Variants in MYBPC3 observed in about 807,000 individuals in gnomAD.
MYBPC3 encodes the protein myosin-binding protein C, cardiac-type.
Under a neutral mutation model 159.3 loss-of-function variants are expected in MYBPC3, and 108 were observed. That is an observed-to-expected ratio of 0.68 (90% CI 0.58 to 0.80). MYBPC3 has a LOEUF of 0.80. Among genes scored for constraint, MYBPC3 ranks in the 30% least tolerant of loss-of-function variants. The probability of loss-of-function intolerance (pLI) is 0.00; values close to 1 mark genes in which losing one functional copy is unlikely to be tolerated. For missense variants in MYBPC3, 1,631 were observed against 1,762.1 expected (o/e 0.93, Z 1.33); for synonymous variants, 730 against 702.0 (o/e 1.04, Z -0.63).
Position 47,332,694 on chromosome 11 carries a change from A to G in MYBPC3, c.3499T>C (p.Tyr1167His). 1 of 1,609,498 alleles carries G rather than the reference A, an allele frequency of 6.2e-7. No individual in the cohort carries two copies. The highest frequency in any genetic ancestry group is 1.7e-5 in the Admixed American group (1 of 59,158). Reference sequence around the variant, plus strand: ...AGGGCCTTATAGTTGGGTGGCTCATAGGTGATGCCTGTTGGTGACAGGACT... The same window carrying G: ...AGGGCCTTATAGTTGGGTGGCTCATGGGTGATGCCTGTTGGTGACAGGACT... ...PVFIPRPGIT[Y>H]EPPNYKALDF... The change falls in exon 32 of 35, where the codon TAT becomes CAT. Residue 1167 changes from tyrosine (Y) to histidine (H), a missense_variant. Coordinates refer to ENST00000545968, the MANE Select transcript of MYBPC3 (RefSeq NM_000256.3). This position sits in a 1 kb window ranked among gnomAD's most constrained non-coding sequence, Gnocchi z 4.2.
chr11:47,341,088 G>C, intron 19 of MYBPC3, 50 bp downstream of exon 19: 2 of 1,566,312 alleles, frequency 1.3e-6, no homozygotes, highest in Non-Finnish European at 1.7e-6. Flanking sequence ...CCAGTGACAG[G>C]GGCTCCTGGC....
In MYBPC3 at chr11:47,332,950, A is replaced by C; in HGVS notation, c.3354T>G (p.His1118Gln). Residue 1118 changes from histidine (H) to glutamine (Q), a missense_variant, in exon 31 of 35, where the codon CAT (histidine) becomes CAG (glutamine). Physicochemically the swap from His to Gln is conservative, Grantham distance 24. Coordinates refer to ENST00000545968, the MANE Select transcript of MYBPC3 (RefSeq NM_000256.3). This position sits in a 1 kb window ranked among gnomAD's most constrained non-coding sequence, Gnocchi z 4.2. The stretch of plus-strand genomic sequence containing the variant: ...GCACCACGCAGTGGGTGCGGCGGTA[A>C]TGCTCCAAGACGGTGAACCACTCCT... ...KTMEWFTVLEHYRRTHCVVPE... is the reference protein window; with the variant it reads ...KTMEWFTVLEQYRRTHCVVPE... The C allele has an allele frequency of 6.2e-7, 1 of 1,610,780 alleles. No individual in the cohort carries two copies. The highest frequency in any genetic ancestry group is 8.5e-7 in the Non-Finnish European group (1 of 1,178,740).
chr11:47,332,194 CTG>C lies in MYBPC3; in HGVS notation c.3690_3691del (p.Phe1230LeufsTer11), dbSNP rs727504390. On this transcript the variant is annotated frameshift_variant, in exon 33 of 35. Coordinates refer to ENST00000545968, the MANE Select transcript of MYBPC3 (RefSeq NM_000256.3). LOFTEE classifies it high-confidence loss of function. The surrounding 1 kb of genome is among the most constrained non-coding windows in gnomAD (Gnocchi z 4.2). The stretch of plus-strand genomic sequence containing the variant: ...CTCCAGAGTCAACACTCCCTGCTTG[CTG>C]AACATGCGGAAGCGGGCGTCTTCTC... 6.2e-7 allele frequency: 1 copy of C among 1,613,876 alleles called. No individual in the cohort carries two copies. Among genetic ancestry groups the C allele is most frequent in the Non-Finnish European group, 8.5e-7 (1 of 1,179,886 alleles).
Position 47,346,744 on chromosome 11 carries a change from C to T in MYBPC3, c.909-100G>A, listed in dbSNP as rs2095894559. On this transcript the variant is annotated intron_variant, in intron 10 of 34. Transcript: ENST00000545968. The surrounding 1 kb of genome is among the most constrained non-coding windows in gnomAD (Gnocchi z 5.3). ...GACCCCACCCATGGGCCTTTACTTC[C>T]TCCCTATTTTCCGCACTTGCACTCC... The T allele has an allele frequency of 1.5e-6, 2 of 1,319,778 alleles. No homozygotes were observed. Among genetic ancestry groups the T allele is most frequent in the East Asian group, 5.0e-5 (2 of 39,612 alleles). 81.8% of individuals were successfully genotyped at this position (1,319,778 alleles called of 1,614,324 possible). A position where few individuals can be genotyped will look rare whatever the true frequency, so the allele number is the denominator to read the frequency against.
At position 47,339,705 on chromosome 11, in the gene MYBPC3, G is replaced by A. The variant is rs1168755518; in HGVS notation, c.2013C>T (p.Val671=). Residue 671 remains valine (V), a synonymous_variant, in exon 21 of 35, where the codon GTC becomes GTT. Coordinates refer to ENST00000545968, the MANE Select transcript of MYBPC3 (RefSeq NM_000256.3). ...TGGGAGCAGGGTCCCCAGAGATAGG[G>A]ACGTCCAGACGTAGCTTATTTCCAG... ...VVAGNKLRLD[V]PISGDPAPTV... 4.3e-6 allele frequency: 7 copies of A among 1,613,602 alleles called. No homozygotes were observed. The South Asian group carries it at 7.7e-5, about 18-fold the overall frequency.
At chr11:47,345,466 G>C (rs1270014857) in intron 12 of MYBPC3, among the ~76,000 whole-genome samples, 1 of 152,128 alleles carries the variant, frequency 6.6e-6, no homozygotes, top group Non-Finnish European at 1.5e-5. Context: ...TGTGTGCTTT[G>C]GGAGGGGCTT....
In MYBPC3 at chr11:47,335,163, C is replaced by G. The variant is rs372510974; in HGVS notation, c.2784G>C (p.Ser928=). 1.7e-5 allele frequency: 28 copies of G among 1,612,704 alleles called. No homozygotes were observed. The Admixed American group carries it at 3.0e-4, about 17-fold the overall frequency. ...CCGTGGGCAGGTCCTTCACCAGTATCGATGTGTGCTCTGTCAGCCCCTGCA... is the reference window on the plus strand; with the variant it reads ...CCGTGGGCAGGTCCTTCACCAGTATGGATGTGTGCTCTGTCAGCCCCTGCA... ...AALQGLTEHT[S]ILVKDLPTGA... The change falls in exon 27 of 35, where the codon TCG becomes TCC. Residue 928 remains serine, a synonymous_variant. Transcript: ENST00000545968.
At chr11:47,347,216 G>A (rs2142865067) in intron 9 of MYBPC3, 187 bp from the exon 10 acceptor site, 1 of 985,358 alleles carries the variant, frequency 1.0e-6, no homozygotes, top group Non-Finnish European at 1.2e-6. Context: ...AGTGGCCGTG[G>A]GGGACACTGT....
chr11:47,337,363 G>A lies in MYBPC3; in HGVS notation c.2602+28C>T, dbSNP rs772454622. ...AGGTTTTTAACTGGGGAGGGGGCGG[G>A]GGGCAGGACCAGGCCAGGCAGGCTC... On this transcript the variant is annotated intron_variant, in intron 25 of 34. Coordinates refer to ENST00000545968, the MANE Select transcript of MYBPC3 (RefSeq NM_000256.3). 8.4e-6 allele frequency: 13 copies of A among 1,542,828 alleles called. No homozygotes were observed. In the South Asian group the frequency reaches 1.3e-4, roughly 16 times the overall value.
At position 47,333,746 on chromosome 11, in the gene MYBPC3, G is replaced by T. The variant is rs2095879726; in HGVS notation, c.3001C>A (p.Pro1001Thr). 5.0e-6 allele frequency: 8 copies of T among 1,597,444 alleles called. No individual in the cohort carries two copies. The East Asian group carries it at 1.8e-4, about 36-fold the overall frequency. Residue 1001 changes from proline to threonine, a missense_variant, in exon 29 of 35, where the codon CCC (proline) becomes ACC (threonine). By Grantham distance (38) the Pro-to-Thr change is conservative. Coordinates refer to ENST00000545968, the MANE Select transcript of MYBPC3 (RefSeq NM_000256.3). ...TTGGTCCAGGTCACCTGAGGCCGGG[G>T]CTTGCCCTGAGGGGAGGAAAAGCTT... is the stretch of plus-strand genomic sequence containing the variant. ...VNLLIPFQGK[P>T]RPQVTWTKEG...
Position 47,341,142 on chromosome 11 carries a change from G to A in MYBPC3, c.1893C>T (p.Phe631=), listed in dbSNP as rs2095888027. 1 of 1,592,604 alleles carries A rather than the reference G, an allele frequency of 6.3e-7. No individual in the cohort carries two copies. The highest frequency in any genetic ancestry group is 1.3e-5 in the African/African-American group (1 of 74,480). The part of the protein sequence containing the change: ...FACNLSAKLH[F]MEVKIDFVPR... ...CCTACCCTGGAGCAGGCTCACCCAT[G>A]AAGTGGAGCTTGGCTGACAGGTTGC... is the stretch of plus-strand genomic sequence containing the variant. Residue 631 remains phenylalanine (F), a synonymous_variant, in exon 19 of 35, where the codon TTC becomes TTT. Transcript: ENST00000545968.
Position 47,338,542 on chromosome 11 carries a change from G to C in MYBPC3, c.2286C>G (p.Val762=), listed in dbSNP as rs2142856547. The change falls in exon 23 of 35, where the codon GTC becomes GTG. Residue 762 remains valine, a synonymous_variant. Transcript: ENST00000545968. This position sits in a 1 kb window ranked among gnomAD's most constrained non-coding sequence, Gnocchi z 4.7. ...CACCGATGACCTTGACTGTGAGGTT[G>C]ACCTGGTCCTCGCCCACAGGGTTCT... ...TVKNPVGEDQ[V]NLTVKVIDVP... The C allele has an allele frequency of 6.2e-7, 1 of 1,614,054 alleles. No homozygotes were observed. Among genetic ancestry groups the C allele is most frequent in the Non-Finnish European group, 8.5e-7 (1 of 1,179,904 alleles).
At position 47,346,397 on chromosome 11, in the gene MYBPC3, C is replaced by T. The variant is rs530908488; in HGVS notation, c.927-27G>A. On this transcript the variant is annotated intron_variant, in intron 11 of 34. Transcript: ENST00000545968. This position sits in a 1 kb window ranked among gnomAD's most constrained non-coding sequence, Gnocchi z 5.3. Reference sequence around the variant, plus strand: ...TGTGTCCCGCAGTCTAGGCTGTGGCCGGGGGCAAGACTGCAGCCCCCTGGG... The same window carrying T: ...TGTGTCCCGCAGTCTAGGCTGTGGCTGGGGGCAAGACTGCAGCCCCCTGGG... 15 of 1,535,236 alleles carry T rather than the reference C, an allele frequency of 9.8e-6. No homozygotes were observed. Among genetic ancestry groups the T allele is most frequent in the African/African-American group, 2.7e-5 (2 of 73,392 alleles).
Position 47,336,003 on chromosome 11 carries a change from T to TG in MYBPC3, c.2610dup (p.Ser871GlnfsTer13), listed in dbSNP as rs397515979. 1 of 1,518,236 alleles carries TG rather than the reference T, an allele frequency of 6.6e-7. No homozygotes were observed. The allele number at this position is 1,518,236 out of a possible 1,614,324, so 94.0% of individuals were successfully genotyped here. A position where few individuals can be genotyped will look rare whatever the true frequency, so the allele number is the denominator to read the frequency against. On this transcript the variant is annotated frameshift_variant, in exon 26 of 35. Coordinates refer to ENST00000545968, the MANE Select transcript of MYBPC3 (RefSeq NM_000256.3). LOFTEE classifies it high-confidence loss of function. ...TCTACTGCCAGGTGGGTGGGTTCGC[T>TG]GGGGGGACCTGGGCAGAGGAGAGGT...
rs1595842469 is a variant in MYBPC3, at chr11:47,335,079, A to G, written c.2868T>C (p.Val956=). ...AHNMAGPGAP[V]TTTEPVTVQE... is the part of the protein sequence containing the mutation. ...GCACTGTCACCGGCTCCGTGGTGGT[A>G]ACAGGGGCTCCAGGCCCTGCCATAT... Residue 956 remains valine (V), a synonymous_variant, in exon 27 of 35, where the codon GTT becomes GTC. Transcript: ENST00000545968. 6.3e-7 allele frequency: 1 copy of G among 1,596,826 alleles called. No homozygotes were observed. Among genetic ancestry groups the G allele is most frequent in the Admixed American group, 1.7e-5 (1 of 58,462 alleles).
At chr11:47,344,492 C>T (rs751836416) in intron 12 of MYBPC3, among the ~76,000 whole-genome samples, 7 of 152,190 alleles carry the variant, frequency 4.6e-5, no homozygotes, top group African/African-American at 7.2e-5. Flanking sequence ...CCTCCTCTTG[C>T]GGCCGTGTTT....
At position 47,350,188 on chromosome 11, in the gene MYBPC3, A is replaced by G. The variant is rs768907177; in HGVS notation, c.407-76T>C. 2.7e-4 allele frequency: 398 copies of G among 1,447,346 alleles called. 1 individual carries two copies. Among genetic ancestry groups the G allele is most frequent in the Non-Finnish European group, 7.0e-5 (74 of 1,059,974 alleles). The allele number at this position is 1,447,346 out of a possible 1,614,324, so 89.7% of individuals were successfully genotyped here. On this transcript the variant is annotated intron_variant, in intron 3 of 34. Transcript: ENST00000545968. ...ACCCAGGCTGGAGTGCAGAGGCACA[A>G]TCTCGGCTCACTGCAAGCTCCGCCT...
At chr11:47,344,954 G>A (rs1480111891) in intron 12 of MYBPC3, among the ~76,000 whole-genome samples, 3 of 152,028 alleles carry the variant, frequency 2.0e-5, no homozygotes, top group Non-Finnish European at 4.4e-5. Flanking sequence ...CCATGCCCAG[G>A]TAATTTTGTA....
In MYBPC3 at chr11:47,338,607, C is replaced by A. The variant is rs1307357658; in HGVS notation, c.2221G>T (p.Ala741Ser). Residue 741 changes from alanine (A) to serine (S), a missense_variant, in exon 23 of 35, where the codon GCA becomes TCA. Ala to Ser is a moderately conservative substitution (Grantham distance 99, BLOSUM62 1). Coordinates refer to ENST00000545968, the MANE Select transcript of MYBPC3 (RefSeq NM_000256.3). This position sits in a 1 kb window ranked among gnomAD's most constrained non-coding sequence, Gnocchi z 4.7. ...KDRSIFTVEG[A>S]EKEDEGVYTV... ...TAGACGCCCTCATCTTCCTTCTCTG[C>A]CCCCTCGACCGTGAAGATGCTGCGG... 2 of 1,614,030 alleles carry A rather than the reference C, an allele frequency of 1.2e-6. No individual in the cohort carries two copies. Among genetic ancestry groups the A allele is most frequent in the Non-Finnish European group, 1.7e-6 (2 of 1,179,906 alleles).
Sources: gnomAD v4.1 joint callset for allele counts (sites outside exome capture counted in the v4.1 genomes callset) on GRCh38, gnomAD v4.1.1 for gene constraint, Gnocchi (gnomAD v3.1) non-coding constraint, MANE v1.5 for transcripts, NCBI Gene and HGNC (gene_info 2026-07-23, HGNC 2026-07-21) for gene names.